ANLN: variants seen among roughly 807,000 people sequenced by gnomAD.
The protein encoded by ANLN is anillin.
In ANLN, 59 loss-of-function variants were observed where a neutral mutation model predicts 135.1. The observed-to-expected ratio is 0.44, with a 90% confidence interval of 0.35 to 0.54. The LOEUF is 0.54. ANLN is among the 20% of genes least tolerant of loss of function. ANLN has a pLI of 0.00. For missense variants in ANLN, 1,182 were observed against 1,340.0 expected (o/e 0.88, Z 1.84); for synonymous variants, 406 against 456.4 (o/e 0.89, Z 1.41).
Position 36,447,417 on chromosome 7 carries a change from C to CTTT in ANLN, c.3079-2227_3079-2225dup, listed in dbSNP as rs978030270. 3.0e-3 allele frequency among the ~76,000 whole-genome samples: 317 copies of CTTT among 105,852 alleles called. 10 individuals are homozygous for CTTT. The highest frequency in any genetic ancestry group is 4.7e-3 in the African/African-American group (135 of 28,782). 69.4% of individuals were successfully genotyped at this position (105,852 alleles called of 152,430 possible). On this transcript the variant is annotated intron_variant, in intron 22 of 23. Transcript: ENST00000265748. Reference sequence around the variant, plus strand: ...AGCACTGCATACTACAGCAGTTGATCTTTTTTTTTTTTTTTTTTTTTTTCT... The same window carrying CTTT: ...AGCACTGCATACTACAGCAGTTGATCTTTTTTTTTTTTTTTTTTTTTTTTTTCT...
intron 23 of ANLN, among the ~76,000 whole-genome samples, chr7:36,450,925 C>T (rs1227524006): frequency 1.3e-5 from 2 of 152,108 alleles, no homozygotes; most frequent in Admixed American, 6.5e-5. Flanking sequence ...TAGACTTCTC[C>T]GTAGACCTTC....
intron 1 of ANLN, among the ~76,000 whole-genome samples, chr7:36,394,025 A>G (rs915530408): frequency 2.0e-5 from 3 of 152,132 alleles, no homozygotes; most frequent in African/African-American, 7.2e-5. Context: ...TAGCGATCAC[A>G]GCTCACTGCA....
At chr7:36,442,865 C>T (rs868164389) in intron 21 of ANLN, among the ~76,000 whole-genome samples, 1 of 151,766 alleles carries the variant, frequency 6.6e-6, no homozygotes, top group Admixed American at 6.6e-5. Flanking sequence ...CTCCTGACCT[C>T]GTGATCCGCC....
At chr7:36,425,581 A>G in intron 17 of ANLN, 121 bp from the exon 18 acceptor site, 2 of 606,890 alleles carry the variant, frequency 3.3e-6, no homozygotes, top group Non-Finnish European at 5.2e-6. Flanking sequence ...GGCGTGAGCC[A>G]CTGCTCCCGG....
intron 15 of ANLN, 123 bp downstream of exon 15, chr7:36,424,066 G>T: frequency 1.0e-6 from 1 of 999,564 alleles, no homozygotes; most frequent in Non-Finnish European, 1.4e-6. Flanking sequence ...TTTTTATATT[G>T]ACAAATAACC....
At chr7:36,444,029 C>T (rs1364800131) in intron 22 of ANLN, among the ~76,000 whole-genome samples, 167 bp downstream of exon 22, 1 of 152,234 alleles carries the variant, frequency 6.6e-6, no homozygotes, top group Non-Finnish European at 1.5e-5. Flanking sequence ...GTGGCTTACG[C>T]CTATAATCCC....
At position 36,425,718 on chromosome 7, in the gene ANLN, G is replaced by T. The variant is rs775132084; in HGVS notation, c.2726G>T (p.Arg909Leu). 2.5e-6 allele frequency: 4 copies of T among 1,611,516 alleles called. No homozygotes were observed. In the African/African-American group the frequency reaches 4.0e-5, roughly 16 times the overall value. The change falls in exon 18 of 24, where the codon CGA becomes CTA. Residue 909 changes from arginine to leucine, a missense_variant. Coordinates refer to ENST00000265748, the MANE Select transcript of ANLN (RefSeq NM_018685.5). ...TTCTTTTAGGCTATTACTCCAAAGCGACTCCTCACATCTATAACCACAGTA... is the reference window on the plus strand; with the variant it reads ...TTCTTTTAGGCTATTACTCCAAAGCTACTCCTCACATCTATAACCACAGTA... ...TSKSKAITPK[R>L]LLTSITTKSN...
chr7:36,399,106 CA>C lies in ANLN; in HGVS notation c.207del (p.Lys69AsnfsTer9). 4 of 1,609,496 alleles carry C rather than the reference CA, an allele frequency of 2.5e-6. No homozygotes were observed. The highest frequency in any genetic ancestry group is 3.4e-6 in the Non-Finnish European group (4 of 1,177,458). On this transcript the variant is annotated frameshift_variant, in exon 3 of 24. Coordinates refer to ENST00000265748, the MANE Select transcript of ANLN (RefSeq NM_018685.5). LOFTEE classifies it high-confidence loss of function. Reference sequence around the variant, plus strand: ...AAATCTTGTACAAAACCATCGCCATCAAAAAAACGCTGTTCTGACAACACTG... The same window carrying C: ...AAATCTTGTACAAAACCATCGCCATCAAAAAACGCTGTTCTGACAACACTG... Reference protein sequence around the residue: ...EEKSCTKPSPSKKRCSDNTEV... With the variant: ...EEKSCTKPSPXKKRCSDNTEV...
chr7:36,429,187 C>T lies in ANLN; in HGVS notation c.2883+2159C>T, dbSNP rs1001408519. Among the ~76,000 whole-genome samples the T allele has an allele frequency of 1.1e-4, 16 of 151,962 alleles. No homozygotes were observed. The East Asian group carries it at 2.5e-3, about 24-fold the overall frequency. ...TAATACATTTAGCACTGAAATTATA[C>T]TGAATATAATAATATATTTTGGAAG... On this transcript the variant is annotated intron_variant, in intron 20 of 23. Coordinates refer to ENST00000265748, the MANE Select transcript of ANLN (RefSeq NM_018685.5).
At chr7:36,390,197 G>A (rs1786374279) in intron 1 of ANLN, 153 bp downstream of exon 1, 2 of 1,280,192 alleles carry the variant, frequency 1.6e-6, no homozygotes, top group East Asian at 2.5e-5. Flanking sequence ...CCGCGGCTGC[G>A]GCCTGCTGTG....
intron 22 of ANLN, among the ~76,000 whole-genome samples, chr7:36,445,161 CTTTTTTTT>C (rs70977145): frequency 3.1e-4 from 18 of 57,826 alleles, no homozygotes; most frequent in East Asian, 2.8e-3. Context: ...ATTTGGGATT[CTTTTTTTT>C]TTTTTTTTTT....
intron 22 of ANLN, among the ~76,000 whole-genome samples, chr7:36,445,438 GTAT>G (rs1221296616): frequency 2.6e-5 from 4 of 152,026 alleles, no homozygotes; most frequent in African/African-American, 7.2e-5. Flanking sequence ...CATATTGTAT[GTAT>G]TATTCTGCAA....
intron 3 of ANLN, among the ~76,000 whole-genome samples, chr7:36,404,382 C>A (rs1168549516): frequency 2.0e-5 from 3 of 152,136 alleles, no homozygotes; most frequent in Admixed American, 2.0e-4. Context: ...TCAGACAGTA[C>A]CGAACCCAAT....
intron 20 of ANLN, among the ~76,000 whole-genome samples, chr7:36,435,144 TTAATTA>T (rs996773861): frequency 6.6e-6 from 1 of 152,144 alleles, no homozygotes; most frequent in Admixed American, 6.5e-5. Context: ...TTATGTTCAG[TTAATTA>T]TAGACACCTT....
At chr7:36,393,617 C>A (rs2116490066) in intron 1 of ANLN, among the ~76,000 whole-genome samples, 1 of 152,262 alleles carries the variant, frequency 6.6e-6, no homozygotes. Flanking sequence ...TACAGTTGGG[C>A]CCTATATGTC....
chr7:36,449,399 A>G, intron 22 of ANLN: 2 of 249,594 alleles, frequency 8.0e-6, no homozygotes, highest in Non-Finnish European at 1.5e-5. Flanking sequence ...TGTTGTTTGT[A>G]TTTTTTATTT....
chr7:36,397,781 C>T (rs1786767944), intron 2 of ANLN, among the ~76,000 whole-genome samples: 1 of 152,022 alleles, frequency 6.6e-6, no homozygotes, highest in African/African-American at 2.4e-5. Context: ...GGCATGGTGG[C>T]ACATCTGTAG....
intron 7 of ANLN, among the ~76,000 whole-genome samples, chr7:36,411,674 G>T (rs556208051): frequency 1.3e-5 from 2 of 152,324 alleles, no homozygotes; most frequent in South Asian, 4.1e-4. Context: ...AAAGTACTGT[G>T]TTAGGATATG....
intron 23 of ANLN, among the ~76,000 whole-genome samples, chr7:36,451,794 C>T (rs1278795919): frequency 6.6e-6 from 1 of 152,174 alleles, no homozygotes; most frequent in Non-Finnish European, 1.5e-5. Context: ...TCTCTGGAAG[C>T]ATGTTCTGGC....
Sources: allele counts gnomAD v4.1 joint callset (sites outside exome capture counted in the v4.1 genomes callset), GRCh38; gene constraint gnomAD v4.1.1; transcripts MANE v1.5; gene names NCBI Gene and HGNC (gene_info 2026-07-23, HGNC 2026-07-21).